The following LIPC variants were observed in gnomAD, a reference collection of about 807,000 sequenced individuals.
The protein encoded by LIPC is hepatic triacylglycerol lipase.
In LIPC, 44 loss-of-function variants were observed where a neutral mutation model predicts 50.7. That is an observed-to-expected ratio of 0.87 (90% CI 0.68 to 1.11). The LOEUF (loss-of-function observed/expected upper bound fraction) is 1.11, where lower values mean the gene tolerates loss of function less well. Ranked by LOEUF, LIPC falls within the 50% of genes most tolerant of loss-of-function variation. The pLI is 0.00. For missense variants in LIPC, 697 were observed against 648.2 expected, an observed-to-expected ratio of 1.08 and a Z score of -0.82; for synonymous variants, 271 against 256.4, an observed-to-expected ratio of 1.06 and a Z score of -0.54.
chr15:58,562,576 C>A (rs948002299), intron 7 of LIPC, among the ~76,000 whole-genome samples: 25 of 152,122 alleles, frequency 1.6e-4, no homozygotes, highest in African/African-American at 4.3e-4. Context: ...AGCCCCTCAC[C>A]CACTCCAGAG....
chr15:58,560,775 AT>A, intron 6 of LIPC, 88 bp from the exon 7 acceptor site: 2 of 706,834 alleles, frequency 2.8e-6, no homozygotes, highest in Non-Finnish European at 5.2e-6. Context: ...TTCCCTCTGC[AT>A]GTTTAAATTT....
At chr15:58,535,466 G>A (rs139351961) in intron 1 of LIPC, among the ~76,000 whole-genome samples, 1 of 152,230 alleles carries the variant, frequency 6.6e-6, no homozygotes, top group Non-Finnish European at 1.5e-5. Context: ...CCAGTTGTTT[G>A]TGGGGCTTTC....
chr15:58,548,723 A>T lies in LIPC; in HGVS notation c.1051+151A>T, dbSNP rs1973026. ...GTGCAGGCTCCAGACAGCAACGTTG[A>T]CACAGCCTTTCTCCTGTCCCAAGAG... On this transcript the variant is annotated intron_variant, in intron 6 of 8. Coordinates refer to ENST00000299022, the MANE Select transcript of LIPC (RefSeq NM_000236.3). The T allele has an allele frequency of 0.99, 1,050,922 of 1,058,552 alleles. 522,025 individuals carry two copies. Among genetic ancestry groups the T allele is most frequent in the East Asian group, 1 (38,500 of 38,500 alleles). The allele number at this position is 1,058,552 out of a possible 1,614,324, so 65.6% of individuals were successfully genotyped here. A position where few individuals can be genotyped will look rare whatever the true frequency, so the allele number is the denominator to read the frequency against.
Position 58,463,050 on chromosome 15 carries a change from C to T in LIPC, c.88+30930C>T, listed in dbSNP as rs530713916. Among the ~76,000 whole-genome samples, 5 of 152,334 alleles carry T rather than the reference C, an allele frequency of 3.3e-5. No homozygotes were observed. In the East Asian group the frequency reaches 5.8e-4, roughly 18 times the overall value. On this transcript the variant is annotated intron_variant, in intron 1 of 8. Transcript: ENST00000299022. ...TCGATTCCAATCTCTTCTCTCCCAG[C>T]GTGGACTGCCCCTGGAGCAGCACTG...
chr15:58,436,765 C>T (rs771195649), intron 1 of LIPC: 1 of 456,222 alleles, frequency 2.2e-6, no homozygotes, highest in Non-Finnish European at 4.4e-6. Context: ...GGGAAGAAGG[C>T]TTCTTGGAGG....
Position 58,496,743 on chromosome 15 carries a change from C to CAAAAAAAAAAAAAAAAAAAAAAAAAA in LIPC, c.89-41573_89-41572insAAAAAAAAAAAAAAAAAAAAAAAAAA, listed in dbSNP as rs10716717. Among the ~76,000 whole-genome samples the CAAAAAAAAAAAAAAAAAAAAAAAAAA allele has an allele frequency of 8.9e-4, 102 of 114,134 alleles. 4 individuals carry two copies. The highest frequency in any genetic ancestry group is 1.8e-3 in the South Asian group (6 of 3,294). The allele number at this position is 114,134 out of a possible 152,430, so 74.9% of individuals were successfully genotyped here. ...GCCCTGCTACAGAAGTCTTCCCCCT[C>CAAAAAAAAAAAAAAAAAAAAAAAAAA]AAAAAAAAAAAAAAAAATTAAGATG... On this transcript the variant is annotated intron_variant, in intron 1 of 8. Transcript: ENST00000299022.
At chr15:58,545,550 T>C (rs894946929) in intron 4 of LIPC, among the ~76,000 whole-genome samples, 192 bp from the exon 5 acceptor site, 4 of 152,230 alleles carry the variant, frequency 2.6e-5, no homozygotes, top group Non-Finnish European at 5.9e-5. Flanking sequence ...CTGTGTGTCA[T>C]TGTTAGCACC....
At chr15:58,538,804 C>T (rs7176030) in intron 2 of LIPC, among the ~76,000 whole-genome samples, 2,231 of 152,252 alleles carry the variant, frequency 0.015, 43 homozygotes, top group African/African-American at 0.051. Flanking sequence ...GATTGCAGTC[C>T]GTGCAGGAAG....
intron 1 of LIPC, among the ~76,000 whole-genome samples, chr15:58,449,101 G>A (rs689314): frequency 6.6e-6 from 1 of 152,018 alleles, no homozygotes; most frequent in Non-Finnish European, 1.5e-5. Flanking sequence ...GGGGAGGAGG[G>A]AGCGATTAGT....
intron 1 of LIPC, among the ~76,000 whole-genome samples, chr15:58,466,212 G>A (rs1278095851): frequency 1.3e-5 from 2 of 152,222 alleles, no homozygotes; most frequent in African/African-American, 4.8e-5. Context: ...GATGGGACGT[G>A]CTGAGGGACC....
intron 3 of LIPC, 125 bp downstream of exon 3, chr15:58,542,092 G>A: frequency 1.8e-6 from 2 of 1,131,484 alleles, no homozygotes. Flanking sequence ...CAGCTCACAG[G>A]AATGAGAAGG....
At chr15:58,478,127 G>T (rs1221286620) in intron 1 of LIPC, among the ~76,000 whole-genome samples, 1 of 152,090 alleles carries the variant, frequency 6.6e-6, no homozygotes, top group Non-Finnish European at 1.5e-5. Context: ...ACCACAACCT[G>T]TCTTGGTCCA....
At chr15:58,566,613 T>C (rs2140962470) in intron 8 of LIPC, 1 of 291,264 alleles carries the variant, frequency 3.4e-6, no homozygotes, top group Middle Eastern at 1.7e-3. Flanking sequence ...TGTGCCTCCA[T>C]GGAAGAAATT....
At chr15:58,456,850 T>C (rs1207265439) in intron 1 of LIPC, among the ~76,000 whole-genome samples, 2 of 152,226 alleles carry the variant, frequency 1.3e-5, no homozygotes. Context: ...TTAAGTATAC[T>C]TTACCATGCG....
In LIPC at chr15:58,545,904, A is replaced by G. The variant is rs1566946340; in HGVS notation, c.737A>G (p.Asn246Ser). ...ATAGGACACTATGACTTCTATCCCAACGGGGGCTCCTTCCAGCCTGGCTGC... is the reference window on the plus strand; with the variant it reads ...ATAGGACACTATGACTTCTATCCCAGCGGGGGCTCCTTCCAGCCTGGCTGC... ...QPIGHYDFYP[N>S]GGSFQPGCHF... Residue 246 changes from asparagine to serine, a missense_variant, in exon 5 of 9, where the codon AAC becomes AGC. Coordinates refer to ENST00000299022, the MANE Select transcript of LIPC (RefSeq NM_000236.3). 3 of 1,614,046 alleles carry G rather than the reference A, an allele frequency of 1.9e-6. No homozygotes were observed. The highest frequency in any genetic ancestry group is 2.7e-5 in the African/African-American group (2 of 74,924).
intron 1 of LIPC, among the ~76,000 whole-genome samples, chr15:58,441,944 T>C (rs1893521449): frequency 1.3e-5 from 2 of 152,188 alleles, no homozygotes; most frequent in Admixed American, 6.5e-5. Flanking sequence ...ATGTTTCTGT[T>C]CGGTGGGCAT....
chr15:58,519,670 A>G (rs2899632), intron 1 of LIPC, among the ~76,000 whole-genome samples: 115,486 of 152,170 alleles, frequency 0.76, 44,860 homozygotes, highest in East Asian at 0.97. Flanking sequence ...CTTCATCAAT[A>G]GACTGAATAT....
intron 1 of LIPC, chr15:58,435,193 G>A (rs1161493707): frequency 6.6e-6 from 1 of 152,208 alleles, no homozygotes; most frequent in Non-Finnish European, 1.5e-5. Flanking sequence ...AAATGGAGAA[G>A]AGTGACATTG....
intron 5 of LIPC, 95 bp downstream of exon 5, chr15:58,546,070 G>C: frequency 9.1e-7 from 1 of 1,099,476 alleles, no homozygotes; most frequent in Non-Finnish European, 1.4e-6. Context: ...ACTCAGGGAA[G>C]AGTTCAGCAA....
Sources: allele counts gnomAD v4.1 joint callset (sites outside exome capture counted in the v4.1 genomes callset), GRCh38; gene constraint gnomAD v4.1.1; transcripts MANE v1.5; gene names NCBI Gene and HGNC (gene_info 2026-07-23, HGNC 2026-07-21).